Variants in GNA12 observed in about 807,000 individuals in gnomAD.
GNA12 encodes the protein guanine nucleotide-binding protein subunit alpha-12.
GNA12 carries 9 observed loss-of-function variants against 26.0 expected under a neutral mutation model. The observed-to-expected ratio is 0.35, with a 90% CI of 0.21 to 0.60. GNA12 has a LOEUF of 0.60. Ranked by LOEUF, GNA12 falls within the 20% of genes least tolerant of loss-of-function variation. The probability of loss-of-function intolerance (pLI) is 0.78; values close to 1 mark genes in which losing one functional copy is unlikely to be tolerated. For missense variants in GNA12, 405 were observed against 525.8 expected, an observed-to-expected ratio of 0.77 and a Z score of 2.25; for synonymous variants, 264 against 219.6, an observed-to-expected ratio of 1.20 and a Z score of -1.79.
In GNA12 at chr7:2,844,179, C is replaced by A; in HGVS notation, c.-18G>T. The A allele has an allele frequency of 3.1e-6, 3 of 980,504 alleles. No homozygotes were observed. Among genetic ancestry groups the A allele is most frequent in the South Asian group, 9.0e-5 (2 of 22,116 alleles). 60.7% of individuals were successfully genotyped at this position (980,504 alleles called of 1,614,324 possible). Reference sequence around the variant, plus strand: ...CCGGACATGGCCCCTCAGGCCGCGGCCGCGCCCCGCCGGCGCCCGGGGGCC... The same window carrying A: ...CCGGACATGGCCCCTCAGGCCGCGGACGCGCCCCGCCGGCGCCCGGGGGCC... On this transcript the variant is annotated 5_prime_UTR_variant, in exon 1 of 4. Transcript: ENST00000275364.
At chr7:2,743,767 T>C (rs1328055118) in intron 2 of GNA12, among the ~76,000 whole-genome samples, 3 of 152,160 alleles carry the variant, frequency 2.0e-5, no homozygotes, top group African/African-American at 7.2e-5. Flanking sequence ...GAATTCCCTT[T>C]CCTACTCAAA....
At chr7:2,761,745 C>A (rs926957575) in intron 2 of GNA12, among the ~76,000 whole-genome samples, 1 of 152,178 alleles carries the variant, frequency 6.6e-6, no homozygotes, top group East Asian at 1.9e-4. Flanking sequence ...ACAAGATGGG[C>A]CACTGGAAAA....
chr7:2,816,796 C>T (rs945369331), intron 1 of GNA12, among the ~76,000 whole-genome samples: 4 of 152,216 alleles, frequency 2.6e-5, no homozygotes, highest in South Asian at 4.1e-4. Flanking sequence ...TTCTTAAGAG[C>T]GGCCAGGAGA....
At chr7:2,826,643 C>A (rs1400793620) in intron 1 of GNA12, among the ~76,000 whole-genome samples, 1 of 152,210 alleles carries the variant, frequency 6.6e-6, no homozygotes. Flanking sequence ...CGGAAAGACA[C>A]AGAAACCTTA....
At chr7:2,786,442 G>A (rs1299705093) in intron 2 of GNA12, among the ~76,000 whole-genome samples, 2 of 152,170 alleles carry the variant, frequency 1.3e-5, no homozygotes. Flanking sequence ...CAACTAAGAA[G>A]AGAATAAATG....
intron 2 of GNA12, among the ~76,000 whole-genome samples, chr7:2,790,876 A>T (rs995759491): frequency 6.6e-6 from 1 of 151,390 alleles, no homozygotes; most frequent in East Asian, 2.0e-4. Flanking sequence ...CAGTAGGCTG[A>T]GGTGGGTGGT....
At chr7:2,782,404 T>C (rs1207148526) in intron 2 of GNA12, among the ~76,000 whole-genome samples, 1 of 152,188 alleles carries the variant, frequency 6.6e-6, no homozygotes, top group Non-Finnish European at 1.5e-5. Flanking sequence ...ACCCATCAAC[T>C]CTCTGTGTTT....
chr7:2,738,830 ATT>A (rs1790346444), intron 2 of GNA12, among the ~76,000 whole-genome samples: 1 of 152,096 alleles, frequency 6.6e-6, no homozygotes, highest in Non-Finnish European at 1.5e-5. Context: ...CCTGTTTTTT[ATT>A]TTGTTTGTTT....
At chr7:2,819,316 G>C (rs1329252344) in intron 1 of GNA12, among the ~76,000 whole-genome samples, 1 of 152,194 alleles carries the variant, frequency 6.6e-6, no homozygotes, top group Non-Finnish European at 1.5e-5. Context: ...AAGGAACACA[G>C]TCCGGCTGGA....
chr7:2,773,266 TAAAAC>T (rs1277253987), intron 2 of GNA12, among the ~76,000 whole-genome samples: 1 of 152,166 alleles, frequency 6.6e-6, no homozygotes, highest in Non-Finnish European at 1.5e-5. Flanking sequence ...ATACTTCAAT[TAAAAC>T]AAATAAACAA....
chr7:2,766,255 G>C (rs1250500313), intron 2 of GNA12, among the ~76,000 whole-genome samples: 1 of 152,098 alleles, frequency 6.6e-6, no homozygotes, highest in Non-Finnish European at 1.5e-5. Flanking sequence ...ATATCCTCAA[G>C]GTTCATCTCT....
intron 2 of GNA12, among the ~76,000 whole-genome samples, chr7:2,768,045 G>C (rs754035863): frequency 6.6e-6 from 1 of 152,102 alleles, no homozygotes. Flanking sequence ...AGTAGAGACA[G>C]GGTTTCACCA....
intron 2 of GNA12, among the ~76,000 whole-genome samples, chr7:2,737,870 C>G (rs1790288746): frequency 1.3e-5 from 2 of 152,092 alleles, no homozygotes; most frequent in African/African-American, 4.8e-5. Flanking sequence ...GCTAGCCAAA[C>G]AACAGAGAAT....
In GNA12 at chr7:2,738,486, G is replaced by A. The variant is rs11976896; in HGVS notation, c.526-4985C>T. Among the ~76,000 whole-genome samples the A allele has an allele frequency of 4.6e-3, 697 of 152,256 alleles. 8 individuals carry two copies. Among genetic ancestry groups the A allele is most frequent in the African/African-American group, 0.016 (657 of 41,532 alleles). The stretch of plus-strand genomic sequence containing the variant: ...TCCGATACCCACTGCCAAAGGAAAA[G>A]CACAAGGCACGAAACAACGCAGAGT... On this transcript the variant is annotated intron_variant, in intron 2 of 3. Transcript: ENST00000275364.
intron 2 of GNA12, among the ~76,000 whole-genome samples, chr7:2,744,579 C>T (rs1050703995): frequency 1.3e-5 from 2 of 152,146 alleles, no homozygotes; most frequent in Non-Finnish European, 2.9e-5. Context: ...AAAAACAGAG[C>T]AGAAAAACTG....
chr7:2,732,787 A>G (rs1264242507), intron 3 of GNA12, among the ~76,000 whole-genome samples: 1 of 152,178 alleles, frequency 6.6e-6, no homozygotes, highest in African/African-American at 2.4e-5. Context: ...TAATCCAGTT[A>G]CTCCAATAAA....
chr7:2,761,400 C>T (rs559808509), intron 2 of GNA12, among the ~76,000 whole-genome samples: 31 of 152,370 alleles, frequency 2.0e-4, no homozygotes, highest in African/African-American at 7.0e-4. Flanking sequence ...CTGTGCCACA[C>T]AGACTCCCAA....
At chr7:2,819,000 G>C (rs999537744) in intron 1 of GNA12, among the ~76,000 whole-genome samples, 2 of 152,162 alleles carry the variant, frequency 1.3e-5, no homozygotes, top group Non-Finnish European at 2.9e-5. Context: ...TCTTTGCAGA[G>C]GTAATTAAGG....
At chr7:2,809,233 G>A (rs959083717) in intron 1 of GNA12, among the ~76,000 whole-genome samples, 10 of 151,954 alleles carry the variant, frequency 6.6e-5, no homozygotes, top group African/African-American at 2.4e-4. Context: ...CCCCAGGGCC[G>A]GCACAGAGCA....
Sources: gnomAD v4.1 joint callset for allele counts (sites outside exome capture counted in the v4.1 genomes callset) on GRCh38, gnomAD v4.1.1 for gene constraint, MANE v1.5 for transcripts, NCBI Gene and HGNC (gene_info 2026-07-23, HGNC 2026-07-21) for gene names.